The following MYBPHL variants were observed in gnomAD, a reference collection of about 807,000 sequenced individuals.
The protein encoded by MYBPHL is myosin-binding protein H-like.
In MYBPHL, 32 loss-of-function variants were observed where a neutral mutation model predicts 39.5. That is an observed-to-expected ratio of 0.81 (90% CI 0.61 to 1.09). The LOEUF (loss-of-function observed/expected upper bound fraction) is 1.09. Ranked by LOEUF, MYBPHL falls within the 50% of genes least tolerant of loss-of-function variation. The probability of loss-of-function intolerance (pLI) is 0.00; values close to 1 mark genes in which losing one functional copy is unlikely to be tolerated. For synonymous variants in MYBPHL, 196 were observed against 183.7 expected, an observed-to-expected ratio of 1.07 and a Z score of -0.54; for missense variants, 456 against 460.2, an observed-to-expected ratio of 0.99 and a Z score of 0.08.
chr1:109,298,946 C>T (rs1302534923), intron 1 of MYBPHL, among the ~76,000 whole-genome samples: 1 of 152,168 alleles, frequency 6.6e-6, no homozygotes, highest in East Asian at 1.9e-4. Flanking sequence ...ACAGGTCTGT[C>T]CCAGTGAGAA....
chr1:109,297,849 A>G (rs924945293), intron 2 of MYBPHL, among the ~76,000 whole-genome samples: 1 of 152,196 alleles, frequency 6.6e-6, no homozygotes, highest in African/African-American at 2.4e-5. Flanking sequence ...AGCTTAGGTC[A>G]TGAACACCCG....
chr1:109,294,155 A>G (rs908374308), intron 8 of MYBPHL, 51 bp downstream of exon 8: 50 of 1,217,264 alleles, frequency 4.1e-5, no homozygotes, highest in Non-Finnish European at 6.1e-5. Flanking sequence ...CAACAACACT[A>G]GCCATAAACA....
chr1:109,293,740 A>AAAATAAATAAATAAAT (rs59376361), intron 8 of MYBPHL, among the ~76,000 whole-genome samples: 24 of 144,666 alleles, frequency 1.7e-4, no homozygotes, highest in East Asian at 8.3e-4. Context: ...ACTCTGTCTC[A>AAAATAAATAAATAAAT]AAATAAATAA....
intron 4 of MYBPHL, 52 bp downstream of exon 4, chr1:109,296,998 G>T: frequency 1.9e-6 from 3 of 1,613,934 alleles, no homozygotes; most frequent in Non-Finnish European, 2.5e-6. Flanking sequence ...GCTACCAGAG[G>T]CCTGTCCCAA....
rs761060012 is a variant in MYBPHL, at chr1:109,298,203, A to G, written c.200T>C (p.Val67Ala). Residue 67 changes from valine (V) to alanine (A), a missense_variant, in exon 2 of 9, where the codon GTT becomes GCT. Transcript: ENST00000357155. ...GATTAGTAGGTTCACTGTGTCCCCA[A>G]CCTTCCGGATGTAGGTCTGCCTCAG... The part of the protein sequence containing the change: ...RALRQTYIRK[V>A]GDTVNLLIPF... 9 of 1,609,982 alleles carry G rather than the reference A, an allele frequency of 5.6e-6. No individual in the cohort carries two copies. In the African/African-American group the frequency reaches 1.1e-4, roughly 19 times the overall value.
At chr1:109,296,091 T>C in intron 6 of MYBPHL, 143 bp downstream of exon 6, 1 of 1,013,798 alleles carries the variant, frequency 9.9e-7, no homozygotes, top group Non-Finnish European at 1.4e-6. Context: ...CCCCCGACTG[T>C]TCCTAAATAC....
At chr1:109,293,933 G>A (rs1224566612) in intron 8 of MYBPHL, among the ~76,000 whole-genome samples, 3 of 151,734 alleles carry the variant, frequency 2.0e-5, no homozygotes, top group East Asian at 1.9e-4. Flanking sequence ...GCATGGTGGC[G>A]GGCGCCTGTC....
intron 1 of MYBPHL, among the ~76,000 whole-genome samples, chr1:109,305,865 G>C (rs1311247392): frequency 6.6e-6 from 1 of 152,190 alleles, no homozygotes; most frequent in African/African-American, 2.4e-5. Flanking sequence ...TTACATCTTA[G>C]TTTGGCCTCT....
chr1:109,294,988 GAA>G, intron 7 of MYBPHL, 121 bp downstream of exon 7: 1 of 811,554 alleles, frequency 1.2e-6, no homozygotes, highest in Non-Finnish European at 1.9e-6. Flanking sequence ...TGACAGTGAT[GAA>G]AGAGTCCAGC....
intron 7 of MYBPHL, among the ~76,000 whole-genome samples, chr1:109,294,735 A>G (rs633830): frequency 0.97 from 147,688 of 152,190 alleles, 71,818 homozygotes; most frequent in East Asian, 1. Flanking sequence ...AGGCTGAGTC[A>G]GAAGATTGCA....
chr1:109,293,597 G>A (rs11102968), intron 8 of MYBPHL, among the ~76,000 whole-genome samples: 52,117 of 151,126 alleles, frequency 0.34, 9,496 homozygotes, highest in South Asian at 0.51. Flanking sequence ...AAAAATTGCC[G>A]GGCGTGGTGG....
intron 1 of MYBPHL, among the ~76,000 whole-genome samples, chr1:109,303,684 A>G (rs764194544): frequency 2.0e-5 from 3 of 152,128 alleles, no homozygotes; most frequent in Non-Finnish European, 4.4e-5. Flanking sequence ...AGGCCCACCT[A>G]CAGTCTATTC....
Position 109,296,240 on chromosome 1 carries a change from A to G in MYBPHL, c.861T>C (p.Ser287=). The G allele has an allele frequency of 1.9e-6, 3 of 1,613,402 alleles. No individual in the cohort carries two copies. The highest frequency in any genetic ancestry group is 2.5e-6 in the Non-Finnish European group (3 of 1,179,926). Residue 287 remains serine, a synonymous_variant, in exon 6 of 9, where the codon TCT becomes TCC. Transcript: ENST00000357155. ...NTQLFCCVRA[S]PRPKIIWLKN... ...CCCCAGAGCCCCCACTCACCCGGGG[A>G]GAGGCGCGGACACAGCAGAAGAGCT...
chr1:109,297,396 C>A, intron 3 of MYBPHL, 26 bp downstream of exon 3: 1 of 1,599,614 alleles, frequency 6.3e-7, no homozygotes, highest in Non-Finnish European at 8.5e-7. Flanking sequence ...TGAGGACCCC[C>A]CCATCTCCCA....
chr1:109,306,825 C>T (rs1006451765), intron 1 of MYBPHL, 22 bp downstream of exon 1: 4 of 1,544,504 alleles, frequency 2.6e-6, no homozygotes, highest in Admixed American at 4.4e-5. Context: ...CCTCCCCACC[C>T]TCCCCACCTG....
chr1:109,295,734 A>G (rs928823670), intron 6 of MYBPHL, among the ~76,000 whole-genome samples: 1 of 152,318 alleles, frequency 6.6e-6, no homozygotes, highest in African/African-American at 2.4e-5. Context: ...TGTTATCTCC[A>G]TGTAGTCTTG....
At chr1:109,306,693 AT>A (rs1362580343) in intron 1 of MYBPHL, among the ~76,000 whole-genome samples, 153 bp downstream of exon 1, 4 of 152,204 alleles carry the variant, frequency 2.6e-5, no homozygotes, top group African/African-American at 9.7e-5. Context: ...AGGACAGGGG[AT>A]GGGGGCTCTC....
chr1:109,302,468 CT>C (rs995249848), intron 1 of MYBPHL, among the ~76,000 whole-genome samples: 1 of 152,072 alleles, frequency 6.6e-6, no homozygotes, highest in South Asian at 2.1e-4. Context: ...CAACACTTCT[CT>C]GAGGAAAAGA....
At chr1:109,298,085 T>C (rs1390458988) in intron 2 of MYBPHL, 84 bp downstream of exon 2, 1 of 1,189,798 alleles carries the variant, frequency 8.4e-7, no homozygotes, top group Non-Finnish European at 1.2e-6. Context: ...GCCCCTCTGC[T>C]AGCAGGACTC....
Sources: gnomAD v4.1 joint callset for allele counts (sites outside exome capture counted in the v4.1 genomes callset) on GRCh38, gnomAD v4.1.1 for gene constraint, MANE v1.5 for transcripts, NCBI Gene and HGNC (gene_info 2026-07-23, HGNC 2026-07-21) for gene names.